The following TSHZ2 variants were observed in gnomAD, a reference collection of about 807,000 sequenced individuals.
TSHZ2 encodes the protein teashirt homolog 2.
In TSHZ2, 21 loss-of-function variants were observed where a neutral mutation model predicts 74.4. The ratio of observed to expected loss-of-function variants is 0.28; its 90% CI spans 0.20 to 0.41. The LOEUF is 0.41. Among genes scored for constraint, TSHZ2 ranks in the 10% least tolerant of loss-of-function variants. The pLI is 1.00. For missense variants in TSHZ2, 1,244 were observed against 1,293.5 expected, an observed-to-expected ratio of 0.96 and a Z score of 0.59; for synonymous variants, 540 against 515.3, an observed-to-expected ratio of 1.05 and a Z score of -0.65.
At chr20:53,379,979 A>G (rs772132947) in intron 2 of TSHZ2, among the ~76,000 whole-genome samples, 4 of 152,190 alleles carry the variant, frequency 2.6e-5, no homozygotes, top group Non-Finnish European at 4.4e-5. Context: ...TGTAGCAAAA[A>G]CTTTCATCCT....
intron 1 of TSHZ2, among the ~76,000 whole-genome samples, chr20:53,253,096 T>C (rs1990365259): frequency 6.6e-6 from 1 of 152,072 alleles, no homozygotes; most frequent in Non-Finnish European, 1.5e-5. Flanking sequence ...AAGAGTCAAG[T>C]CTTAGTCTCC....
At chr20:52,985,904 C>A (rs945547285) in intron 1 of TSHZ2, among the ~76,000 whole-genome samples, 1 of 152,168 alleles carries the variant, frequency 6.6e-6, no homozygotes, top group African/African-American at 2.4e-5. Flanking sequence ...CATTTTCCTA[C>A]CATGAGTGGT....
Position 53,361,892 on chromosome 20 carries a change from T to C in TSHZ2, c.*8+105321T>C, listed in dbSNP as rs567818932. On this transcript the variant is annotated intron_variant, in intron 2 of 2. Coordinates refer to ENST00000371497, the MANE Select transcript of TSHZ2 (RefSeq NM_173485.6). ...CATAGTTGGTTTTCTTTTGTTGTTG[T>C]TGTTGTTTGTGTTGTTGTTGTTGTT... Among the ~76,000 whole-genome samples, 12 of 146,700 alleles carry C rather than the reference T, an allele frequency of 8.2e-5. No individual in the cohort carries two copies. The Admixed American group carries it at 8.3e-4, about 10-fold the overall frequency.
At chr20:53,378,438 C>T (rs1001316091) in intron 2 of TSHZ2, among the ~76,000 whole-genome samples, 1 of 151,768 alleles carries the variant, frequency 6.6e-6, no homozygotes, top group Admixed American at 6.6e-5. Context: ...CATTCAAAAT[C>T]TCCCACACCT....
chr20:53,149,588 G>A lies in TSHZ2; in HGVS notation c.41-103911G>A, dbSNP rs144952073. The stretch of plus-strand genomic sequence containing the variant: ...CTAAATAAGTCCTTCAGAGATTTCC[G>A]CTCAGCTCATGGTGCCAATGAGGAG... On this transcript the variant is annotated intron_variant, in intron 1 of 2. Coordinates refer to ENST00000371497, the MANE Select transcript of TSHZ2 (RefSeq NM_173485.6). Among the ~76,000 whole-genome samples the A allele has an allele frequency of 8.5e-3, 1,291 of 152,204 alleles. 9 individuals are homozygous for A. Among genetic ancestry groups the A allele is most frequent in the South Asian group, 0.018 (87 of 4,818 alleles).
chr20:53,450,258 C>T (rs940895160), intron 2 of TSHZ2, among the ~76,000 whole-genome samples: 4 of 152,146 alleles, frequency 2.6e-5, no homozygotes, highest in Non-Finnish European at 4.4e-5. Flanking sequence ...TAAAATACAT[C>T]CTTCCATCCT....
intron 1 of TSHZ2, among the ~76,000 whole-genome samples, chr20:53,188,240 A>C (rs1988647322): frequency 2.0e-5 from 3 of 152,180 alleles, no homozygotes; most frequent in African/African-American, 7.2e-5. Flanking sequence ...CCAGCCATGT[A>C]TCATTACATA....
chr20:52,997,738 A>G (rs1049918609), intron 1 of TSHZ2, among the ~76,000 whole-genome samples: 16 of 152,204 alleles, frequency 1.1e-4, no homozygotes, highest in African/African-American at 3.6e-4. Context: ...AGCAACTCCA[A>G]CTAAATCTTT....
chr20:53,295,971 G>C (rs554236611), intron 2 of TSHZ2, among the ~76,000 whole-genome samples: 1 of 148,530 alleles, frequency 6.7e-6, no homozygotes, highest in African/African-American at 2.5e-5. Flanking sequence ...CTAATGTTCT[G>C]CACCTCATGC....
At position 53,207,939 on chromosome 20, in the gene TSHZ2, A is replaced by G. The variant is rs1166863101; in HGVS notation, c.41-45560A>G. Among the ~76,000 whole-genome samples the G allele has an allele frequency of 3.3e-5, 5 of 149,888 alleles. 1 individual carries two copies. The highest frequency in any genetic ancestry group is 3.9e-4 in the East Asian group (2 of 5,114). ...GGTCTCAAACTCCTGGTTTCAAGCA[A>G]TCCCCCTGCCTCTGCCTCCCAAAGT... On this transcript the variant is annotated intron_variant, in intron 1 of 2. Transcript: ENST00000371497.
intron 2 of TSHZ2, among the ~76,000 whole-genome samples, chr20:53,309,210 A>G (rs1253889212): frequency 1.3e-5 from 2 of 152,190 alleles, no homozygotes; most frequent in Non-Finnish European, 2.9e-5. Context: ...ATATTTATTC[A>G]AAGAACGACT....
chr20:53,122,476 C>T (rs1383662609), intron 1 of TSHZ2, among the ~76,000 whole-genome samples: 1 of 152,016 alleles, frequency 6.6e-6, no homozygotes, highest in East Asian at 1.9e-4. Flanking sequence ...ATTTCTATTT[C>T]TATCAGGGCA....
intron 1 of TSHZ2, among the ~76,000 whole-genome samples, chr20:53,008,974 C>T (rs1438002977): frequency 1.4e-5 from 2 of 141,884 alleles, no homozygotes; most frequent in African/African-American, 5.4e-5. Context: ...TGAATGTTGT[C>T]TTTCTCCTCT....
chr20:53,492,096 A>C lies in TSHZ2; in HGVS notation c.*4961A>C, dbSNP rs1986464227. On this transcript the variant is annotated 3_prime_UTR_variant, in exon 3 of 3. Coordinates refer to ENST00000371497, the MANE Select transcript of TSHZ2 (RefSeq NM_173485.6). ...AAAAAAAAAAAAAACTAACCACTCC[A>C]TTCAACTCTCTCAGAAAATAAATTT... 6.6e-6 allele frequency: 1 copy of C among 150,842 alleles called. No homozygotes were observed. Among genetic ancestry groups the C allele is most frequent in the South Asian group, 2.1e-4 (1 of 4,792 alleles). The allele number at this position is 150,842 out of a possible 1,614,324, so 9.3% of individuals were successfully genotyped here. A position where few individuals can be genotyped will look rare whatever the true frequency, so the allele number is the denominator to read the frequency against.
intron 1 of TSHZ2, among the ~76,000 whole-genome samples, chr20:53,201,958 T>C (rs1989019308): frequency 6.6e-6 from 1 of 152,142 alleles, no homozygotes; most frequent in South Asian, 2.1e-4. Context: ...TGGATCCCAG[T>C]TGTATTCCAA....
At chr20:53,131,858 A>G (rs945803053) in intron 1 of TSHZ2, among the ~76,000 whole-genome samples, 1 of 135,640 alleles carries the variant, frequency 7.4e-6, no homozygotes, top group Admixed American at 7.9e-5. Context: ...CACACTAGCA[A>G]TCCTAGTCTC....
chr20:53,107,864 C>A (rs1309285082), intron 1 of TSHZ2, among the ~76,000 whole-genome samples: 1 of 152,190 alleles, frequency 6.6e-6, no homozygotes, highest in East Asian at 1.9e-4. Context: ...ACTCCTCTTT[C>A]TTTCTGGCTC....
chr20:53,378,325 G>A (rs1245449869), intron 2 of TSHZ2, among the ~76,000 whole-genome samples: 7 of 145,368 alleles, frequency 4.8e-5, no homozygotes, highest in African/African-American at 1.8e-4. Flanking sequence ...GGGCGACAAA[G>A]CAAAACTTTG....
At chr20:53,222,499 A>G (rs1989587462) in intron 1 of TSHZ2, among the ~76,000 whole-genome samples, 1 of 152,190 alleles carries the variant, frequency 6.6e-6, no homozygotes, top group South Asian at 2.1e-4. Context: ...AGCCTCTCCT[A>G]ATCAATGGGA....
Sources: gnomAD v4.1 joint callset for allele counts (sites outside exome capture counted in the v4.1 genomes callset) on GRCh38, gnomAD v4.1.1 for gene constraint, MANE v1.5 for transcripts, NCBI Gene and HGNC (gene_info 2026-07-23, HGNC 2026-07-21) for gene names.